PIWIL1: variants seen among roughly 807,000 people sequenced by gnomAD.
PIWIL1 encodes the protein piwi-like protein 1.
Under a neutral mutation model 114.4 loss-of-function variants are expected in PIWIL1, and 73 were observed. That is an observed-to-expected ratio of 0.64 (90% CI 0.53 to 0.78). The LOEUF is 0.78. Ranked by LOEUF, PIWIL1 falls within the 30% of genes least tolerant of loss-of-function variation. PIWIL1 has a pLI of 0.00. For synonymous variants in PIWIL1, 375 were observed against 369.0 expected (o/e 1.02, Z -0.19); for missense variants, 723 against 1,063.1 (o/e 0.68, Z 4.45).
the PIWIL1 span, among the ~76,000 whole-genome samples, chr12:130,421,470 A>T: frequency 6.6e-6 from 1 of 152,254 alleles, no homozygotes; most frequent in Non-Finnish European, 1.5e-5. Context: ...GGCAGGACAC[A>T]ATTTCAAAGA....
intron 18 of PIWIL1, among the ~76,000 whole-genome samples, chr12:130,363,530 T>C (rs1366571617): frequency 1.3e-5 from 2 of 151,818 alleles, no homozygotes; most frequent in Non-Finnish European, 2.9e-5. Flanking sequence ...TTCATTTCCT[T>C]GTGGACTTGA....
At chr12:130,339,125 C>T (rs992078726) in intron 1 of PIWIL1, among the ~76,000 whole-genome samples, 1 of 152,066 alleles carries the variant, frequency 6.6e-6, no homozygotes, top group African/African-American at 2.4e-5. Context: ...CCTTGGGAGC[C>T]GGACGTTGGG....
rs546951695 is a variant in PIWIL1 at position 130,351,020 on chromosome 12, C to G, written c.1044+1053C>G. ...GGGGTCATTTCAGCATGTCTTTCCT[C>G]CCACTGTTTTCAGCCTCTTTACTCC... On this transcript the variant is annotated intron_variant, in intron 9 of 20. Coordinates refer to ENST00000245255, the MANE Select transcript of PIWIL1 (RefSeq NM_004764.5). 5 of 152,300 alleles carry G rather than the reference C, an allele frequency of 3.3e-5. No homozygotes were observed. The East Asian group carries it at 9.7e-4, about 29-fold the overall frequency. The allele number at this position is 152,300 out of a possible 1,614,324, so 9.4% of individuals were successfully genotyped here. A position where few individuals can be genotyped will look rare whatever the true frequency, so the allele number is the denominator to read the frequency against.
At chr12:130,400,717 G>C in the PIWIL1 span, among the ~76,000 whole-genome samples, 1 of 152,176 alleles carries the variant, frequency 6.6e-6, no homozygotes, top group African/African-American at 2.4e-5. Flanking sequence ...GAAAATGTCT[G>C]CAAGTCATCT....
chr12:130,347,974 A>T, intron 6 of PIWIL1, 129 bp from the exon 7 acceptor site: 1 of 584,346 alleles, frequency 1.7e-6, no homozygotes, highest in South Asian at 2.3e-5. Context: ...CATAAAAAAC[A>T]GCAGGTAGGT....
At chr12:130,352,173 G>C (rs1338277308) in intron 9 of PIWIL1, among the ~76,000 whole-genome samples, 1 of 152,156 alleles carries the variant, frequency 6.6e-6, no homozygotes, top group Non-Finnish European at 1.5e-5. Context: ...ATATTTAAAA[G>C]AATCAAAGCC....
intron 1 of PIWIL1, among the ~76,000 whole-genome samples, chr12:130,339,042 C>G (rs1056820943): frequency 3.3e-5 from 5 of 151,992 alleles, no homozygotes; most frequent in Non-Finnish European, 7.4e-5. Context: ...CCCACGCGGC[C>G]GCGGGGCGCG....
chr12:130,354,761 C>T, intron 10 of PIWIL1, 98 bp downstream of exon 10: 50 of 1,483,958 alleles, frequency 3.4e-5, no homozygotes, highest in Non-Finnish European at 4.3e-5. Flanking sequence ...TTCCCTCCCC[C>T]CAGAAAACCT....
rs151261790 is a variant in PIWIL1 at position 130,361,218 on chromosome 12, C to T, written c.1704C>T (p.Tyr568=). Residue 568 remains tyrosine (Y), a synonymous_variant, in exon 15 of 21, where the codon TAC becomes TAT. Coordinates refer to ENST00000245255, the MANE Select transcript of PIWIL1 (RefSeq NM_004764.5). ...TGTCAAGTAATCGGAAGGACAAATA[C>T]GATGCTATTAAAAAATACCTGTGTA... ...CLLSSNRKDK[Y]DAIKKYLCTD... is the part of the protein sequence containing the mutation. 2.9e-5 allele frequency: 46 copies of T among 1,613,978 alleles called. No homozygotes were observed. Among genetic ancestry groups the T allele is most frequent in the East Asian group, 8.9e-5 (4 of 44,894 alleles).
chr12:130,340,645 G>GT (rs2072889797), intron 1 of PIWIL1, among the ~76,000 whole-genome samples: 1 of 46,706 alleles, frequency 2.1e-5, no homozygotes, highest in Non-Finnish European at 5.4e-5. Context: ...GGGAGGGGGG[G>GT]TGGGGGGAGG....
the PIWIL1 span, among the ~76,000 whole-genome samples, chr12:130,382,481 G>C: frequency 6.6e-6 from 1 of 152,252 alleles, no homozygotes; most frequent in African/African-American, 2.4e-5. Flanking sequence ...CGTGGTCTGA[G>C]CCTGTGCCCA....
the PIWIL1 span, among the ~76,000 whole-genome samples, chr12:130,392,051 TGTGATGACCCGGTCACCGTCATCAC>T: frequency 6.8e-6 from 1 of 146,988 alleles, no homozygotes; most frequent in Non-Finnish European, 1.5e-5. Context: ...TATTGAATGT[TGTGATGACCCGGTCACCGTCATCAC>T]GTGGATGCAT....
chr12:130,388,560 C>T, the PIWIL1 span, among the ~76,000 whole-genome samples: 7 of 152,198 alleles, frequency 4.6e-5, no homozygotes, highest in Middle Eastern at 3.4e-3. Flanking sequence ...ACAATCTTTA[C>T]GATTTTAGGT....
At chr12:130,380,567 G>A in the PIWIL1 span, among the ~76,000 whole-genome samples, 4 of 152,330 alleles carry the variant, frequency 2.6e-5, no homozygotes, top group South Asian at 6.2e-4. Context: ...AGGAGAAACT[G>A]TAGATGATTT....
chr12:130,355,496 T>C lies in PIWIL1; in HGVS notation c.1290-57T>C, dbSNP rs2073339214. On this transcript the variant is annotated intron_variant, in intron 11 of 20. Coordinates refer to ENST00000245255, the MANE Select transcript of PIWIL1 (RefSeq NM_004764.5). Reference sequence around the variant, plus strand: ...AGGCTGGAGTGGATATCTGTTTGACTGTGTCTTCTTGCTGTGTCTCTTTGT... The same window carrying C: ...AGGCTGGAGTGGATATCTGTTTGACCGTGTCTTCTTGCTGTGTCTCTTTGT... 4.8e-6 allele frequency: 6 copies of C among 1,261,866 alleles called. No individual in the cohort carries two copies. In the Admixed American group the frequency reaches 1.0e-4, roughly 21 times the overall value. 78.2% of individuals were successfully genotyped at this position (1,261,866 alleles called of 1,614,324 possible). A position where few individuals can be genotyped will look rare whatever the true frequency, so the allele number is the denominator to read the frequency against.
At chr12:130,409,075 T>C in the PIWIL1 span, among the ~76,000 whole-genome samples, 1 of 152,208 alleles carries the variant, frequency 6.6e-6, no homozygotes, top group South Asian at 2.1e-4. Flanking sequence ...CAAGTATGAC[T>C]TTTGAAAGGT....
the PIWIL1 span, among the ~76,000 whole-genome samples, chr12:130,409,118 G>A: frequency 2.0e-5 from 3 of 152,234 alleles, no homozygotes; most frequent in African/African-American, 7.2e-5. Context: ...TCTCACTGAA[G>A]TCAAACTTAC....
the PIWIL1 span, among the ~76,000 whole-genome samples, chr12:130,416,947 TA>T: frequency 6.6e-6 from 1 of 151,522 alleles, no homozygotes; most frequent in East Asian, 1.9e-4. Flanking sequence ...TAATAAAATA[TA>T]AATAAAAAAT....
Position 130,371,615 on chromosome 12 carries a change from C to T in PIWIL1, c.*17C>T. On this transcript the variant is annotated 3_prime_UTR_variant, in exon 21 of 21. Transcript: ENST00000245255. Reference sequence around the variant, plus strand: ...TACCTCTAACCTGCAGAAGACGATGCAGCCGCTTTTCTTTTTGAAATGACT... The same window carrying T: ...TACCTCTAACCTGCAGAAGACGATGTAGCCGCTTTTCTTTTTGAAATGACT... 1.4e-6 allele frequency: 2 copies of T among 1,433,756 alleles called. No individual in the cohort carries two copies. The highest frequency in any genetic ancestry group is 9.7e-7 in the Non-Finnish European group (1 of 1,034,516). The allele number at this position is 1,433,756 out of a possible 1,614,324, so 88.8% of individuals were successfully genotyped here.
Sources: gnomAD v4.1 joint callset for allele counts (sites outside exome capture counted in the v4.1 genomes callset) on GRCh38, gnomAD v4.1.1 for gene constraint, MANE v1.5 for transcripts, NCBI Gene and HGNC (gene_info 2026-07-23, HGNC 2026-07-21) for gene names.